Variants in SUSD6 observed in about 807,000 individuals in gnomAD.
The protein encoded by SUSD6 is sushi domain containing 6.
Under a neutral mutation model 28.4 loss-of-function variants are expected in SUSD6, and 16 were observed. The ratio of observed to expected loss-of-function variants is 0.56; its 90% CI spans 0.38 to 0.86. SUSD6 has a LOEUF of 0.86. Among genes scored for constraint, SUSD6 ranks in the 40% least tolerant of loss-of-function variants. The pLI is 0.00. For missense variants in SUSD6, 341 were observed against 384.2 expected (o/e 0.89, Z 0.94); for synonymous variants, 147 against 159.6 (o/e 0.92, Z 0.59).
At chr14:69,695,618 A>G (rs1279880963) in intron 2 of SUSD6, among the ~76,000 whole-genome samples, 1 of 151,918 alleles carries the variant, frequency 6.6e-6, no homozygotes, top group Non-Finnish European at 1.5e-5. Flanking sequence ...GAGAAGCCTG[A>G]CTCCGAGACC....
chr14:69,634,701 A>G (rs76820971), intron 1 of SUSD6, among the ~76,000 whole-genome samples: 6,099 of 152,342 alleles, frequency 0.04, 437 homozygotes, highest in African/African-American at 0.14. Context: ...TTGTGATTGT[A>G]GCTTGTATGA....
intron 2 of SUSD6, among the ~76,000 whole-genome samples, chr14:69,691,318 A>C (rs1886149961): frequency 6.6e-6 from 1 of 152,120 alleles, no homozygotes; most frequent in South Asian, 2.1e-4. Context: ...GCCACTAGAC[A>C]CCAGCCTGGG....
chr14:69,646,766 A>G (rs896016987), intron 1 of SUSD6, among the ~76,000 whole-genome samples: 1 of 138,316 alleles, frequency 7.2e-6, no homozygotes, highest in African/African-American at 2.7e-5. Flanking sequence ...CAGCGGTGCA[A>G]TCTTGGCTCA....
rs552479986 is a variant in SUSD6, at chr14:69,664,446, C to T, written c.121+5733C>T. ...TCCCAAAACATCCGCAAAGCATCTT[C>T]CTGTCAGCTGCAAACCCTGTTGATG... On this transcript the variant is annotated intron_variant, in intron 2 of 5. Coordinates refer to ENST00000342745, the MANE Select transcript of SUSD6 (RefSeq NM_014734.4). Among the ~76,000 whole-genome samples the T allele has an allele frequency of 2.6e-5, 4 of 152,300 alleles. No individual in the cohort carries two copies. The South Asian group carries it at 8.3e-4, about 32-fold the overall frequency.
chr14:69,700,664 C>T (rs1886300632), intron 2 of SUSD6, among the ~76,000 whole-genome samples: 1 of 152,232 alleles, frequency 6.6e-6, no homozygotes, highest in Admixed American at 6.5e-5. Flanking sequence ...AGTGCTACTT[C>T]CTCGGAGATC....
chr14:69,657,253 G>A (rs1885596887), intron 1 of SUSD6, among the ~76,000 whole-genome samples: 1 of 152,174 alleles, frequency 6.6e-6, no homozygotes, highest in African/African-American at 2.4e-5. Flanking sequence ...TCAGGAGTTT[G>A]AGACCAGCCT....
At chr14:69,686,706 G>A (rs529527524) in intron 2 of SUSD6, among the ~76,000 whole-genome samples, 58 of 152,290 alleles carry the variant, frequency 3.8e-4, no homozygotes, top group African/African-American at 1.3e-3. Context: ...TTTTAAAACC[G>A]TCAAATCTTG....
chr14:69,657,721 C>A (rs943187385), intron 1 of SUSD6, among the ~76,000 whole-genome samples: 4 of 152,172 alleles, frequency 2.6e-5, no homozygotes, highest in Non-Finnish European at 1.5e-5. Context: ...GTATCGTCAA[C>A]CCATTTACCT....
In SUSD6 at chr14:69,653,747, C is replaced by CATTTTT. The variant is rs560453832; in HGVS notation, c.-80-4766_-80-4765insATTTTT. 3.2e-5 allele frequency among the ~76,000 whole-genome samples: 3 copies of CATTTTT among 93,244 alleles called. 1 individual carries two copies. Among genetic ancestry groups the CATTTTT allele is most frequent in the Non-Finnish European group, 6.0e-5 (3 of 50,070 alleles). 61.2% of individuals were successfully genotyped at this position (93,244 alleles called of 152,430 possible). ...TAGGGATAATGAATACCTAGTGAAA[C>CATTTTT]TTTTTTTTTTTTTTTTTTTTGCTTG... On this transcript the variant is annotated intron_variant, in intron 1 of 5. Coordinates refer to ENST00000342745, the MANE Select transcript of SUSD6 (RefSeq NM_014734.4).
chr14:69,638,010 T>C (rs1344033877), intron 1 of SUSD6, among the ~76,000 whole-genome samples: 1 of 152,214 alleles, frequency 6.6e-6, no homozygotes, highest in Non-Finnish European at 1.5e-5. Context: ...AGGAGAACTC[T>C]TGCTGTGTTT....
At chr14:69,661,298 A>G (rs111324258) in intron 2 of SUSD6, among the ~76,000 whole-genome samples, 14 of 152,084 alleles carry the variant, frequency 9.2e-5, no homozygotes, top group African/African-American at 3.4e-4. Context: ...TCATTTTCCA[A>G]CTACCCACAC....
chr14:69,630,876 C>A (rs1469539315), intron 1 of SUSD6, among the ~76,000 whole-genome samples: 1 of 152,290 alleles, frequency 6.6e-6, no homozygotes, highest in East Asian at 1.9e-4. Context: ...ACATGCTGAT[C>A]ATGGAAAAAG....
At chr14:69,670,681 A>G (rs927807971) in intron 2 of SUSD6, among the ~76,000 whole-genome samples, 4 of 152,270 alleles carry the variant, frequency 2.6e-5, no homozygotes, top group African/African-American at 9.6e-5. Context: ...TTGGGATGAT[A>G]ACGTACATAC....
At chr14:69,708,528 C>A in intron 4 of SUSD6, 149 bp from the exon 5 acceptor site, 1 of 586,986 alleles carries the variant, frequency 1.7e-6, no homozygotes, top group Non-Finnish European at 2.9e-6. Flanking sequence ...GGTGAGAATC[C>A]AGCATGATAA....
chr14:69,653,639 G>T (rs762058196), intron 1 of SUSD6, among the ~76,000 whole-genome samples: 4 of 151,944 alleles, frequency 2.6e-5, no homozygotes, highest in African/African-American at 7.3e-5. Flanking sequence ...TAATTAGGAG[G>T]AGTAGTCACT....
At chr14:69,648,349 G>A (rs1885457628) in intron 1 of SUSD6, among the ~76,000 whole-genome samples, 1 of 152,202 alleles carries the variant, frequency 6.6e-6, no homozygotes. Flanking sequence ...AAGTTTTCCA[G>A]TTAAAGGAGA....
At chr14:69,685,753 G>A (rs757252049) in intron 2 of SUSD6, among the ~76,000 whole-genome samples, 2 of 152,232 alleles carry the variant, frequency 1.3e-5, no homozygotes, top group Admixed American at 6.5e-5. Flanking sequence ...GGGAGTGAGA[G>A]GGTAGAAGTA....
At chr14:69,641,476 T>G (rs1398205705) in intron 1 of SUSD6, among the ~76,000 whole-genome samples, 2 of 152,224 alleles carry the variant, frequency 1.3e-5, no homozygotes, top group Non-Finnish European at 2.9e-5. Context: ...TAATTTCTTT[T>G]GCAAATTTAC....
intron 1 of SUSD6, among the ~76,000 whole-genome samples, chr14:69,628,048 C>T (rs776356635): frequency 3.3e-5 from 5 of 151,948 alleles, no homozygotes; most frequent in Non-Finnish European, 5.9e-5. Context: ...ATTCTTCTGC[C>T]TCAGCTCCTA....
Sources: allele counts gnomAD v4.1 joint callset (sites outside exome capture counted in the v4.1 genomes callset), GRCh38; gene constraint gnomAD v4.1.1; transcripts MANE v1.5; gene names NCBI Gene and HGNC (gene_info 2026-07-23, HGNC 2026-07-21).